NXN: variants seen among roughly 807,000 people sequenced by gnomAD.
The protein encoded by NXN is nucleoredoxin, also known as nucleoredoxin 1.
A neutral mutation model predicts 48.6 loss-of-function variants in NXN; 16 were observed. That is an observed-to-expected ratio of 0.33 (90% CI 0.22 to 0.50). NXN has a LOEUF of 0.50. Among genes scored for constraint, NXN ranks in the 20% least tolerant of loss-of-function variants. NXN has a pLI of 0.98. For missense variants in NXN, 492 were observed against 605.5 expected (o/e 0.81, Z 1.97); for synonymous variants, 281 against 269.6 (o/e 1.04, Z -0.41).
At chr17:892,040 C>G (rs2068426784) in intron 1 of NXN, among the ~76,000 whole-genome samples, 1 of 151,576 alleles carries the variant, frequency 6.6e-6, no homozygotes, top group African/African-American at 2.4e-5. Context: ...CATGCACAAC[C>G]CAACAGGGAA....
Position 825,963 on chromosome 17 carries a change from T to G in NXN, c.476A>C (p.Glu159Ala), listed in dbSNP as rs752205016. ...NGLLVIRDDP[E>A]GLEFPWGPKP... is the part of the protein sequence containing the mutation. ...ATATGCACGGGCTGAGGTTTTACCT[T>G]CTGGGTCATCTCGGATCACCAGCAG... Residue 159 changes from glutamate (E) to alanine (A), a missense_variant and splice_region_variant, in exon 2 of 8, where the codon GAA (glutamate) becomes GCA (alanine). By Grantham distance (107) the Glu-to-Ala change is moderately radical. This residue lies in a region of NXN where 303 missense variants were observed against 388.3 expected (regional missense o/e 0.78). Transcript: ENST00000336868. This position sits in a 1 kb window ranked among gnomAD's most constrained non-coding sequence, Gnocchi z 4.1. The G allele has an allele frequency of 6.2e-7, 1 of 1,604,880 alleles. No homozygotes were observed. Among genetic ancestry groups the G allele is most frequent in the Non-Finnish European group, 8.5e-7 (1 of 1,173,262 alleles).
At chr17:915,174 T>TCC (rs1225733390) in intron 1 of NXN, among the ~76,000 whole-genome samples, 4 of 152,166 alleles carry the variant, frequency 2.6e-5, no homozygotes, top group Non-Finnish European at 5.9e-5. Context: ...GACCTCGTGA[T>TCC]AGGTCCACCT....
intron 6 of NXN, 73 bp downstream of exon 6, chr17:804,995 C>T (rs1303552236): frequency 2.1e-6 from 3 of 1,458,914 alleles, no homozygotes; most frequent in Non-Finnish European, 2.8e-6. Flanking sequence ...CAGGGACAGG[C>T]TCCTCCCAAG....
At chr17:884,200 G>A (rs533789654) in intron 1 of NXN, among the ~76,000 whole-genome samples, 1 of 139,030 alleles carries the variant, frequency 7.2e-6, no homozygotes, top group South Asian at 2.6e-4. Flanking sequence ...CAGCCTGGGG[G>A]ACTGAGCAAG....
intron 1 of NXN, chr17:842,449 C>T (rs1287917059): frequency 2.2e-6 from 2 of 918,702 alleles, no homozygotes. Flanking sequence ...GTTCCGTGAT[C>T]CCGGCGGGGA....
At chr17:910,831 T>C (rs1252959729) in intron 1 of NXN, 1 of 151,968 alleles carries the variant, frequency 6.6e-6, no homozygotes, top group African/African-American at 2.4e-5. Context: ...GCAGAACGAG[T>C]GATGTGGGCT....
intron 1 of NXN, chr17:959,015 T>A: frequency 4.2e-6 from 1 of 236,662 alleles, no homozygotes. Flanking sequence ...CATGCGGATG[T>A]GCGCGGAGCC....
chr17:953,969 G>A (rs1248175344), intron 1 of NXN, among the ~76,000 whole-genome samples: 1 of 152,132 alleles, frequency 6.6e-6, no homozygotes, highest in African/African-American at 2.4e-5. Context: ...TCCGTGCTGC[G>A]GCTCCTCTCT....
intron 1 of NXN, among the ~76,000 whole-genome samples, chr17:875,190 C>A (rs963788671): frequency 1.3e-5 from 2 of 152,122 alleles, no homozygotes; most frequent in African/African-American, 4.8e-5. Context: ...CGCCACCATG[C>A]CTGGCTAACT....
intron 1 of NXN, among the ~76,000 whole-genome samples, chr17:972,926 G>A (rs572063459): frequency 6.6e-6 from 1 of 152,120 alleles, no homozygotes; most frequent in Admixed American, 6.5e-5. Context: ...AGCTACTCGG[G>A]AGGCTGAGGC....
At chr17:971,385 G>A (rs916555163) in intron 1 of NXN, among the ~76,000 whole-genome samples, 1 of 152,034 alleles carries the variant, frequency 6.6e-6, no homozygotes, top group African/African-American at 2.4e-5. Context: ...ACATCCATTT[G>A]CTCATTTAGT....
At chr17:812,895 G>C (rs1039046893) in intron 5 of NXN, among the ~76,000 whole-genome samples, 1 of 142,090 alleles carries the variant, frequency 7.0e-6, no homozygotes, top group Non-Finnish European at 1.5e-5. Context: ...TGTGAATGTA[G>C]GTGTGTGCAT....
At chr17:863,236 T>C (rs2068059529) in intron 1 of NXN, among the ~76,000 whole-genome samples, 1 of 152,208 alleles carries the variant, frequency 6.6e-6, no homozygotes, top group African/African-American at 2.4e-5. Flanking sequence ...AGTGGCGCGA[T>C]CTCAGCTCAC....
intron 6 of NXN, 78 bp downstream of exon 6, chr17:804,990 A>T (rs1911406340): frequency 6.9e-7 from 1 of 1,440,038 alleles, no homozygotes. Flanking sequence ...AGCGGCAGGG[A>T]CAGGCTCCTC....
At chr17:959,222 C>T in intron 1 of NXN, 1 of 1,020,444 alleles carries the variant, frequency 9.8e-7, no homozygotes, top group Non-Finnish European at 1.3e-6. Flanking sequence ...AGCAGACAGG[C>T]CTGCAGATAC....
At chr17:834,692 G>C (rs1170146414) in intron 1 of NXN, among the ~76,000 whole-genome samples, 1 of 151,842 alleles carries the variant, frequency 6.6e-6, no homozygotes, top group African/African-American at 2.4e-5. Context: ...ACCTAATTTT[G>C]TATTTTTAGT....
At chr17:823,591 T>C in intron 3 of NXN, 41 bp downstream of exon 3, 1 of 1,611,306 alleles carries the variant, frequency 6.2e-7, no homozygotes, top group Non-Finnish European at 8.5e-7. Flanking sequence ...GGAACATCAC[T>C]GCTTCCTTCT....
At chr17:941,756 A>C (rs370271947) in intron 1 of NXN, among the ~76,000 whole-genome samples, 20 of 37,328 alleles carry the variant, frequency 5.4e-4, no homozygotes, top group African/African-American at 1.2e-3. Context: ...CCCTGGATTT[A>C]CAGCGAACAA....
chr17:873,301 A>C (rs1386211239), intron 1 of NXN, among the ~76,000 whole-genome samples: 2 of 152,008 alleles, frequency 1.3e-5, no homozygotes, highest in Non-Finnish European at 2.9e-5. Context: ...GTTCGAGACC[A>C]GCCTGGCCAA....
Sources: allele counts gnomAD v4.1 joint callset (sites outside exome capture counted in the v4.1 genomes callset), GRCh38; gene constraint gnomAD v4.1.1; regional missense constraint gnomAD v4.1.1; non-coding constraint Gnocchi (gnomAD v3.1); transcripts MANE v1.5; gene names NCBI Gene and HGNC (gene_info 2026-07-23, HGNC 2026-07-21).